TNS3: variants seen among roughly 807,000 people sequenced by gnomAD.
TNS3 encodes tensin 3, also known as tensin-3.
In TNS3, 45 loss-of-function variants were observed where a neutral mutation model predicts 140.9. The observed-to-expected ratio is 0.32, with a 90% CI of 0.25 to 0.41. TNS3 has a LOEUF of 0.41. Ranked by LOEUF, TNS3 falls within the 10% of genes least tolerant of loss-of-function variation. The probability of loss-of-function intolerance (pLI) is 1.00; values close to 1 mark genes in which losing one functional copy is unlikely to be tolerated. For missense variants in TNS3, 1,716 were observed against 1,906.7 expected (o/e 0.90, Z 1.86); for synonymous variants, 815 against 788.4 (o/e 1.03, Z -0.56).
At chr7:47,343,680 C>CAT (rs1263436425) in intron 20 of TNS3, among the ~76,000 whole-genome samples, 1 of 152,228 alleles carries the variant, frequency 6.6e-6, no homozygotes, top group African/African-American at 2.4e-5. Context: ...GTGAGTCCAT[C>CAT]ATGCTAATGC....
intron 3 of TNS3, among the ~76,000 whole-genome samples, chr7:47,499,741 G>T (rs1464223198): frequency 6.6e-6 from 1 of 152,132 alleles, no homozygotes; most frequent in African/African-American, 2.4e-5. Context: ...AGGATTTCTA[G>T]GGCAGCGAAA....
chr7:47,306,534 A>G (rs955316480), intron 20 of TNS3, among the ~76,000 whole-genome samples: 1 of 152,012 alleles, frequency 6.6e-6, no homozygotes, highest in Admixed American at 6.6e-5. Context: ...AAAAATTACT[A>G]TTTTTATTTA....
chr7:47,492,580 C>T (rs1797855204), intron 3 of TNS3, among the ~76,000 whole-genome samples: 1 of 152,226 alleles, frequency 6.6e-6, no homozygotes, highest in African/African-American at 2.4e-5. Context: ...TGGCAAGGCC[C>T]CTTCTTCAGG....
intron 30 of TNS3, chr7:47,278,545 A>G: frequency 4.1e-6 from 1 of 242,660 alleles, no homozygotes; most frequent in Non-Finnish European, 7.9e-6. Flanking sequence ...CCAGGGCCAG[A>G]ATCTCCTGGG....
chr7:47,569,168 A>G (rs532848969), intron 1 of TNS3, among the ~76,000 whole-genome samples: 5 of 152,354 alleles, frequency 3.3e-5, no homozygotes, highest in African/African-American at 1.2e-4. Context: ...GCACAAAGCA[A>G]AAAGGGGGAG....
Position 47,369,620 on chromosome 7 carries a change from C to G in TNS3, c.1026G>C (p.Val342=). ...SYENLSADGE[V]LHTQGPVDGS... ...CATCGACAGGGCCCTGCGTGTGTAG[C>G]ACTGCGGGGGAGAAAACCGGAGAGA... is the stretch of plus-strand genomic sequence containing the variant. Residue 342 remains valine, a splice_region_variant and synonymous_variant, in exon 17 of 31, where the codon GTG becomes GTC. Coordinates refer to ENST00000311160, the MANE Select transcript of TNS3 (RefSeq NM_022748.12). 2 of 1,559,012 alleles carry G rather than the reference C, an allele frequency of 1.3e-6. No homozygotes were observed. The highest frequency in any genetic ancestry group is 1.7e-6 in the Non-Finnish European group (2 of 1,152,846).
chr7:47,384,331 T>A (rs956814859), intron 16 of TNS3, among the ~76,000 whole-genome samples: 2 of 152,208 alleles, frequency 1.3e-5, no homozygotes, highest in African/African-American at 4.8e-5. Flanking sequence ...CAGAACACTT[T>A]CACCCAAAAC....
At chr7:47,544,731 G>T (rs1209308464) in intron 1 of TNS3, among the ~76,000 whole-genome samples, 1 of 152,068 alleles carries the variant, frequency 6.6e-6, no homozygotes, top group Non-Finnish European at 1.5e-5. Flanking sequence ...GGGTGTCCCA[G>T]GACCCAGGCA....
intron 2 of TNS3, among the ~76,000 whole-genome samples, chr7:47,519,972 C>A: frequency 1.3e-5 from 2 of 151,994 alleles, no homozygotes; most frequent in Middle Eastern, 6.8e-3. Context: ...TACAGGCGCC[C>A]GCCACCACAC....
At chr7:47,391,623 C>T (rs1399888298) in intron 16 of TNS3, among the ~76,000 whole-genome samples, 1 of 152,202 alleles carries the variant, frequency 6.6e-6, no homozygotes, top group African/African-American at 2.4e-5. Flanking sequence ...CTCCATAGGG[C>T]TCAGCAACAT....
At chr7:47,555,014 G>A (rs551156833) in intron 1 of TNS3, among the ~76,000 whole-genome samples, 14 of 151,868 alleles carry the variant, frequency 9.2e-5, no homozygotes, top group South Asian at 2.1e-4. Flanking sequence ...GCAACAGAGC[G>A]AGACTCTGTC....
At chr7:47,527,978 T>C (rs1173297952) in intron 2 of TNS3, among the ~76,000 whole-genome samples, 1 of 152,098 alleles carries the variant, frequency 6.6e-6, no homozygotes, top group Non-Finnish European at 1.5e-5. Context: ...ACAGCCCGTG[T>C]TCTCTGCCTT....
intron 17 of TNS3, among the ~76,000 whole-genome samples, chr7:47,347,654 G>A (rs1225099792): frequency 6.6e-6 from 1 of 151,840 alleles, no homozygotes; most frequent in Non-Finnish European, 1.5e-5. Context: ...CCACACAACA[G>A]CGACCAAGCA....
At chr7:47,355,348 G>A (rs1020089555) in intron 17 of TNS3, among the ~76,000 whole-genome samples, 2 of 152,190 alleles carry the variant, frequency 1.3e-5, no homozygotes, top group East Asian at 3.9e-4. Context: ...ACCACAACAG[G>A]GTGGGGGACG....
chr7:47,470,945 T>G (rs1796926351), intron 4 of TNS3, among the ~76,000 whole-genome samples: 1 of 149,708 alleles, frequency 6.7e-6, no homozygotes, highest in South Asian at 2.1e-4. Context: ...TGTGTTTTGT[T>G]TTTTGTTTTT....
chr7:47,409,226 G>A (rs1299571609), intron 13 of TNS3, among the ~76,000 whole-genome samples: 2 of 152,054 alleles, frequency 1.3e-5, no homozygotes, highest in Admixed American at 6.6e-5. Flanking sequence ...GGAGGTAGCT[G>A]GGAAGAGAGG....
At chr7:47,323,924 G>A (rs1369139365) in intron 20 of TNS3, among the ~76,000 whole-genome samples, 1 of 152,140 alleles carries the variant, frequency 6.6e-6, no homozygotes, top group Non-Finnish European at 1.5e-5. Context: ...GCAGAAGACA[G>A]GAAGGAAAAA....
At chr7:47,454,005 C>G (rs899328478) in intron 4 of TNS3, among the ~76,000 whole-genome samples, 3 of 152,236 alleles carry the variant, frequency 2.0e-5, no homozygotes, top group Non-Finnish European at 4.4e-5. Context: ...CATGCACTTA[C>G]ATTCTTTTAT....
chr7:47,443,238 T>C (rs140567006), intron 4 of TNS3, among the ~76,000 whole-genome samples: 107 of 152,326 alleles, frequency 7.0e-4, no homozygotes, highest in African/African-American at 2.4e-3. Context: ...GCCAGTCTCA[T>C]GGAGCTGTCC....
Sources: allele counts gnomAD v4.1 joint callset (sites outside exome capture counted in the v4.1 genomes callset), GRCh38; gene constraint gnomAD v4.1.1; transcripts MANE v1.5; gene names NCBI Gene and HGNC (gene_info 2026-07-23, HGNC 2026-07-21).